Variants in NNT observed in about 807,000 individuals in gnomAD.
The protein encoded by NNT is nicotinamide nucleotide transhydrogenase, also known as NAD(P) transhydrogenase, mitochondrial.
A neutral mutation model predicts 104.8 loss-of-function variants in NNT; 50 were observed. The observed-to-expected ratio is 0.48, with a 90% CI of 0.38 to 0.60. The LOEUF (loss-of-function observed/expected upper bound fraction) is 0.60. Ranked by LOEUF, NNT falls within the 20% of genes least tolerant of loss-of-function variation. NNT has a pLI of 0.00. For missense variants in NNT, 1,131 were observed against 1,330.7 expected (o/e 0.85, Z 2.33); for synonymous variants, 461 against 490.4 (o/e 0.94, Z 0.79).
At chr5:43,654,329 G>A (rs532541816) in intron 14 of NNT, among the ~76,000 whole-genome samples, 47 of 152,348 alleles carry the variant, frequency 3.1e-4, no homozygotes, top group Non-Finnish European at 4.9e-4. Flanking sequence ...ACGTGAGAAA[G>A]TGATGGAGAA....
At position 43,642,010 on chromosome 5, in the gene NNT, A is replaced by G. The variant is rs539715238; in HGVS notation, c.965-2182A>G. 3.9e-4 allele frequency among the ~76,000 whole-genome samples: 60 copies of G among 152,342 alleles called. 1 individual carries two copies. The highest frequency in any genetic ancestry group is 1.4e-3 in the African/African-American group (60 of 41,580). ...GACACTTGATGTCTTGCAAAGTGGTAGCATACAGTCCAGGGACTGATCCTT... is the reference window on the plus strand; with the variant it reads ...GACACTTGATGTCTTGCAAAGTGGTGGCATACAGTCCAGGGACTGATCCTT... On this transcript the variant is annotated intron_variant, in intron 7 of 21. Transcript: ENST00000344920.
At chr5:43,666,693 A>G (rs1740711508) in intron 17 of NNT, 2 of 842,944 alleles carry the variant, frequency 2.4e-6, no homozygotes, top group Non-Finnish European at 3.7e-6. Flanking sequence ...CCCCAGCCCC[A>G]TGCAGATGGT....
At chr5:43,684,508 C>T (rs535517528) in intron 19 of NNT, among the ~76,000 whole-genome samples, 1 of 152,050 alleles carries the variant, frequency 6.6e-6, no homozygotes, top group Non-Finnish European at 1.5e-5. Flanking sequence ...GACTCTACAA[C>T]CCATCTCATT....
At chr5:43,619,750 A>G (rs1749973496) in intron 5 of NNT, among the ~76,000 whole-genome samples, 1 of 152,238 alleles carries the variant, frequency 6.6e-6, no homozygotes, top group Non-Finnish European at 1.5e-5. Context: ...TTGTGTTACT[A>G]AAAGAGAATA....
rs1750162460 is a variant in NNT, at chr5:43,622,761, C to G, written c.688-1271C>G. Among the ~76,000 whole-genome samples the G allele has an allele frequency of 2.0e-5, 3 of 152,076 alleles. No homozygotes were observed. The East Asian group carries it at 5.8e-4, about 29-fold the overall frequency. ...GGATTTTGACCTAAGCTCTCTGACTCTTACTCACTGTGTCTTTTTCTTTAC... is the reference window on the plus strand; with the variant it reads ...GGATTTTGACCTAAGCTCTCTGACTGTTACTCACTGTGTCTTTTTCTTTAC... On this transcript the variant is annotated intron_variant, in intron 5 of 21. Transcript: ENST00000344920.
chr5:43,606,618 T>C (rs1472327540), intron 1 of NNT, among the ~76,000 whole-genome samples: 1 of 152,246 alleles, frequency 6.6e-6, no homozygotes, highest in Non-Finnish European at 1.5e-5. Flanking sequence ...TCTTGCATTC[T>C]TTCTTCCTTA....
At chr5:43,652,932 C>T in intron 13 of NNT, 86 bp from the exon 14 acceptor site, 2 of 980,060 alleles carry the variant, frequency 2.0e-6, no homozygotes, top group Non-Finnish European at 3.0e-6. Context: ...TGTTAATATT[C>T]CTAATTGGCA....
At chr5:43,661,952 G>T (rs1280489210) in intron 17 of NNT, among the ~76,000 whole-genome samples, 6 of 152,064 alleles carry the variant, frequency 3.9e-5, no homozygotes, top group Non-Finnish European at 7.4e-5. Context: ...GGGTCAAATG[G>T]TATTTCTAGT....
chr5:43,641,387 A>G (rs746443918), intron 7 of NNT, among the ~76,000 whole-genome samples: 12 of 152,272 alleles, frequency 7.9e-5, no homozygotes, highest in Admixed American at 2.0e-4. Context: ...GCACTGTTAC[A>G]TTCATGACTG....
At chr5:43,628,552 A>T (rs974930553) in intron 7 of NNT, among the ~76,000 whole-genome samples, 165 bp downstream of exon 7, 2 of 152,156 alleles carry the variant, frequency 1.3e-5, no homozygotes, top group Non-Finnish European at 2.9e-5. Flanking sequence ...CAAAATTCAT[A>T]GTCATTAATA....
chr5:43,641,051 A>T (rs1232765798), intron 7 of NNT, among the ~76,000 whole-genome samples: 1 of 151,888 alleles, frequency 6.6e-6, no homozygotes, highest in Admixed American at 6.6e-5. Context: ...AGTTTAACTT[A>T]TGGTATTAGG....
At chr5:43,685,539 T>C (rs1242248846) in intron 19 of NNT, among the ~76,000 whole-genome samples, 2 of 152,152 alleles carry the variant, frequency 1.3e-5, no homozygotes, top group Non-Finnish European at 2.9e-5. Context: ...AGCAAGAAGC[T>C]GAAAAATGGA....
At chr5:43,665,733 G>A (rs1312004691) in intron 17 of NNT, among the ~76,000 whole-genome samples, 2 of 134,220 alleles carry the variant, frequency 1.5e-5, no homozygotes, top group African/African-American at 4.9e-5. Context: ...CGTTCTCAAG[G>A]AGCTGTTGGG....
intron 17 of NNT, among the ~76,000 whole-genome samples, chr5:43,672,018 C>T (rs1741127430): frequency 6.6e-6 from 1 of 152,182 alleles, no homozygotes; most frequent in Admixed American, 6.5e-5. Context: ...TCTCTTCTCG[C>T]TTCATTTCAT....
In NNT at chr5:43,606,919, A is replaced by G. The variant is rs138744172; in HGVS notation, c.-53-2224A>G. Among the ~76,000 whole-genome samples the G allele has an allele frequency of 5.3e-4, 81 of 152,252 alleles. No individual in the cohort carries two copies. The East Asian group carries it at 0.015, about 28-fold the overall frequency. On this transcript the variant is annotated intron_variant, in intron 1 of 21. Transcript: ENST00000344920. ...CCTGGATTAAAAATTTCCATTACCA[A>G]TGCTGCTTTCTGGTATTTTAAAGAT...
chr5:43,648,870 CAG>C (rs1204269885), intron 10 of NNT, among the ~76,000 whole-genome samples: 3 of 152,128 alleles, frequency 2.0e-5, no homozygotes, highest in Admixed American at 6.5e-5. Context: ...ACAAACTACA[CAG>C]AGGAAAATGT....
At chr5:43,658,149 A>G (rs1232542894) in intron 16 of NNT, among the ~76,000 whole-genome samples, 2 of 152,144 alleles carry the variant, frequency 1.3e-5, no homozygotes, top group Admixed American at 6.5e-5. Flanking sequence ...AAAAAGAAAG[A>G]AAAAAAGATA....
Position 43,677,131 on chromosome 5 carries a change from C to A in NNT, c.2795-594C>A, listed in dbSNP as rs549189968. 8.1e-4 allele frequency among the ~76,000 whole-genome samples: 123 copies of A among 151,956 alleles called. 1 individual carries two copies. The highest frequency in any genetic ancestry group is 2.8e-3 in the African/African-American group (117 of 41,396). On this transcript the variant is annotated intron_variant, in intron 18 of 21. Coordinates refer to ENST00000344920, the MANE Select transcript of NNT (RefSeq NM_182977.3). ...CATTAAATTTGAGGTGAAGATGGGA[C>A]AAGAGCCATGTTATACTGGCGCTCA... is the stretch of plus-strand genomic sequence containing the variant.
At chr5:43,675,308 G>T (rs912760496) in intron 17 of NNT, among the ~76,000 whole-genome samples, 1 of 152,116 alleles carries the variant, frequency 6.6e-6, no homozygotes, top group East Asian at 1.9e-4. Flanking sequence ...TAGGGAAAAA[G>T]ATAATGTGGT....
Sources: allele counts gnomAD v4.1 joint callset (sites outside exome capture counted in the v4.1 genomes callset), GRCh38; gene constraint gnomAD v4.1.1; transcripts MANE v1.5; gene names NCBI Gene and HGNC (gene_info 2026-07-23, HGNC 2026-07-21).